The following RANBP2 variants were observed in gnomAD, a reference collection of about 807,000 sequenced individuals.
RANBP2 encodes the protein E3 SUMO-protein ligase RanBP2.
Under a neutral mutation model 303.6 loss-of-function variants are expected in RANBP2, and 57 were observed. That is an observed-to-expected ratio of 0.19 (90% CI 0.15 to 0.23). The LOEUF is 0.23. Ranked by LOEUF, RANBP2 falls within the 10% of genes least tolerant of loss-of-function variation. RANBP2 has a pLI of 1.00. For synonymous variants in RANBP2, 1,167 were observed against 1,301.5 expected (o/e 0.90, Z 2.23); for missense variants, 3,138 against 3,780.8 (o/e 0.83, Z 4.46).
At chr2:109,362,030 T>G in the RANBP2 span, among the ~76,000 whole-genome samples, 1 of 152,152 alleles carries the variant, frequency 6.6e-6, no homozygotes, top group African/African-American at 2.4e-5. Flanking sequence ...TTATTGATCT[T>G]TTTTGTTTCA....
chr2:108,941,991 C>T, the RANBP2 span, among the ~76,000 whole-genome samples: 1 of 152,194 alleles, frequency 6.6e-6, no homozygotes, highest in East Asian at 1.9e-4. Flanking sequence ...AAGGTGGCTG[C>T]CTTTCAGGTG....
At chr2:109,665,629 CCGCAA>C in the RANBP2 span, 3 of 153,200 alleles carry the variant, frequency 2.0e-5, no homozygotes, top group Non-Finnish European at 4.4e-5. Flanking sequence ...GCATGAGCCA[CCGCAA>C]CTGGCCTGAT....
the RANBP2 span, among the ~76,000 whole-genome samples, chr2:109,341,681 T>G: frequency 6.6e-6 from 1 of 152,200 alleles, no homozygotes; most frequent in African/African-American, 2.4e-5. Flanking sequence ...CCCTTTGCTC[T>G]GGGCATAATA....
the RANBP2 span, among the ~76,000 whole-genome samples, chr2:109,019,079 T>A: frequency 6.6e-6 from 1 of 152,124 alleles, no homozygotes; most frequent in African/African-American, 2.4e-5. Flanking sequence ...AGGAGAGTGT[T>A]TAGTGTGATG....
At chr2:109,110,309 G>A in the RANBP2 span, among the ~76,000 whole-genome samples, 4 of 152,202 alleles carry the variant, frequency 2.6e-5, no homozygotes, top group African/African-American at 9.6e-5. Context: ...GCAACAGTTA[G>A]GATGCTGGAA....
At chr2:109,255,932 G>A in the RANBP2 span, among the ~76,000 whole-genome samples, 1 of 152,202 alleles carries the variant, frequency 6.6e-6, no homozygotes, top group Admixed American at 6.5e-5. Flanking sequence ...AAAGGAAGGG[G>A]AAGAGGAAGT....
chr2:109,214,559 A>G, the RANBP2 span, among the ~76,000 whole-genome samples: 5 of 152,050 alleles, frequency 3.3e-5, no homozygotes, highest in Admixed American at 6.5e-5. Context: ...TTTCATTGAC[A>G]TGAAACAAAA....
the RANBP2 span, among the ~76,000 whole-genome samples, chr2:108,878,018 A>AAGCTGT: frequency 6.6e-6 from 1 of 152,240 alleles, no homozygotes; most frequent in Admixed American, 6.5e-5. Flanking sequence ...CAATGGAATG[A>AAGCTGT]CAGCTTCAGA....
At chr2:109,593,947 A>G in the RANBP2 span, among the ~76,000 whole-genome samples, 3 of 152,196 alleles carry the variant, frequency 2.0e-5, no homozygotes, top group African/African-American at 7.2e-5. Flanking sequence ...AATCCTTACA[A>G]TACATCTGAG....
chr2:109,193,401 A>T, the RANBP2 span, among the ~76,000 whole-genome samples: 1 of 152,162 alleles, frequency 6.6e-6, no homozygotes, highest in Admixed American at 6.5e-5. Flanking sequence ...ATCATAGACC[A>T]TTTTTATCAC....
the RANBP2 span, among the ~76,000 whole-genome samples, chr2:109,035,186 G>A: frequency 6.6e-6 from 1 of 152,110 alleles, no homozygotes; most frequent in Non-Finnish European, 1.5e-5. Context: ...ACCAAGTCAG[G>A]GCTCCCAACC....
intron 7 of RANBP2, among the ~76,000 whole-genome samples, chr2:108,741,811 CTT>C (rs397872027): frequency 0.028 from 3,079 of 108,890 alleles, 148 homozygotes; most frequent in African/African-American, 0.1. Context: ...CACACCCAGC[CTT>C]TTTTTTTTTT....
At chr2:108,914,551 A>G in the RANBP2 span, among the ~76,000 whole-genome samples, 1 of 152,244 alleles carries the variant, frequency 6.6e-6, no homozygotes, top group East Asian at 1.9e-4. Context: ...TCAAATCACT[A>G]AGACGCAACC....
chr2:109,484,149 C>G, the RANBP2 span, among the ~76,000 whole-genome samples: 1 of 151,650 alleles, frequency 6.6e-6, no homozygotes, highest in Non-Finnish European at 1.5e-5. Flanking sequence ...TCACTGCAAC[C>G]TCTGCCTTCT....
At chr2:109,115,538 T>C in the RANBP2 span, among the ~76,000 whole-genome samples, 2 of 152,254 alleles carry the variant, frequency 1.3e-5, no homozygotes, top group Admixed American at 1.3e-4. Flanking sequence ...GCACATGAGA[T>C]AGGTTTCCTG....
chr2:108,933,252 C>T, the RANBP2 span, among the ~76,000 whole-genome samples: 7 of 152,140 alleles, frequency 4.6e-5, no homozygotes, highest in African/African-American at 1.7e-4. Context: ...TAACTGAAAT[C>T]GGGTGGGGGT....
the RANBP2 span, among the ~76,000 whole-genome samples, chr2:109,428,577 T>A: frequency 3.5e-3 from 531 of 152,352 alleles, 22 homozygotes; most frequent in East Asian, 0.063. Flanking sequence ...GCTGTACTTG[T>A]CCTCAGCAAC....
the RANBP2 span, among the ~76,000 whole-genome samples, chr2:109,699,465 C>A: frequency 6.6e-6 from 1 of 152,200 alleles, no homozygotes; most frequent in African/African-American, 2.4e-5. Context: ...ATGACCAGAA[C>A]AGTCAGTTAA....
At chr2:109,451,022 T>C in the RANBP2 span, among the ~76,000 whole-genome samples, 1 of 152,168 alleles carries the variant, frequency 6.6e-6, no homozygotes, top group Non-Finnish European at 1.5e-5. Context: ...CAGGCCCTGC[T>C]CCCCTGTCCT....
Sources: allele counts gnomAD v4.1 joint callset (sites outside exome capture counted in the v4.1 genomes callset), GRCh38; gene constraint gnomAD v4.1.1; transcripts MANE v1.5; gene names NCBI Gene and HGNC (gene_info 2026-07-23, HGNC 2026-07-21).